TRPC4AP: variants seen among roughly 807,000 people sequenced by gnomAD.
TRPC4AP encodes the protein transient receptor potential cation channel subfamily C member 4 associated protein.
In TRPC4AP, 45 loss-of-function variants were observed where a neutral mutation model predicts 99.0. That is an observed-to-expected ratio of 0.45 (90% CI 0.36 to 0.58). The LOEUF (loss-of-function observed/expected upper bound fraction) is 0.58. TRPC4AP is among the 20% of genes least tolerant of loss of function. The probability of loss-of-function intolerance (pLI) is 0.00; values close to 1 mark genes in which losing one functional copy is unlikely to be tolerated. For missense variants in TRPC4AP, 879 were observed against 985.3 expected (o/e 0.89, Z 1.44); for synonymous variants, 408 against 385.8 (o/e 1.06, Z -0.67).
rs1489073945 is a variant in TRPC4AP at position 35,037,552 on chromosome 20, AT to A, written c.866-2245del. On this transcript the variant is annotated intron_variant, in intron 7 of 18. Transcript: ENST00000252015. ...ACTGAAGGGATAAACAAACTGTGGT[AT>A]CTACATGATGAGTATTATTCAGCCA... Among the ~76,000 whole-genome samples, 7 of 152,328 alleles carry A rather than the reference AT, an allele frequency of 4.6e-5. No homozygotes were observed. In the East Asian group the frequency reaches 1.3e-3, roughly 29 times the overall value.
At chr20:35,025,358 AT>A (rs904366545) in intron 8 of TRPC4AP, among the ~76,000 whole-genome samples, 9 of 151,458 alleles carry the variant, frequency 5.9e-5, no homozygotes, top group African/African-American at 1.9e-4. Flanking sequence ...CCGAAACAAA[AT>A]TTTTTTTTGT....
chr20:35,004,350 T>C (rs1397806743), intron 17 of TRPC4AP, 108 bp downstream of exon 17: 3 of 904,546 alleles, frequency 3.3e-6, no homozygotes, highest in Non-Finnish European at 5.3e-6. Context: ...GAGCTGGGTC[T>C]CCAGAGACGC....
intron 16 of TRPC4AP, among the ~76,000 whole-genome samples, chr20:35,004,962 C>T (rs2082486652): frequency 6.6e-6 from 1 of 152,194 alleles, no homozygotes; most frequent in Non-Finnish European, 1.5e-5. Flanking sequence ...GGTCCTAGCG[C>T]AACTGGTTTT....
chr20:35,086,525 A>ATGTGTGTGTGTG (rs1176461079), intron 1 of TRPC4AP, among the ~76,000 whole-genome samples: 2 of 69,190 alleles, frequency 2.9e-5, no homozygotes, highest in Non-Finnish European at 5.7e-5. Context: ...GTGTGTATAT[A>ATGTGTGTGTGTG]TGTGTGTGTG....
chr20:35,075,716 G>A (rs1447235520), intron 2 of TRPC4AP, among the ~76,000 whole-genome samples: 1 of 152,112 alleles, frequency 6.6e-6, no homozygotes, highest in African/African-American at 2.4e-5. Flanking sequence ...CAACTTTGGT[G>A]AATCTGACAA....
intron 3 of TRPC4AP, among the ~76,000 whole-genome samples, chr20:35,063,594 C>G (rs995602572): frequency 6.6e-6 from 1 of 152,104 alleles, no homozygotes; most frequent in Admixed American, 6.5e-5. Context: ...CAGGGTGGCT[C>G]GTGCCTATAA....
In TRPC4AP at chr20:35,021,295, G is replaced by C; in HGVS notation, c.1113C>G (p.Ala371=). 6.2e-7 allele frequency: 1 copy of C among 1,614,190 alleles called. No individual in the cohort carries two copies. The highest frequency in any genetic ancestry group is 8.5e-7 in the Non-Finnish European group (1 of 1,180,030). The change falls in exon 9 of 19, where the codon GCC becomes GCG. Residue 371 remains alanine, a synonymous_variant. Transcript: ENST00000252015. The part of the protein sequence containing the change: ...SEENGLPHTS[A]RTQLPQSMKI... ...TCATTGACTGGGGCAGCTGGGTTCT[G>C]GCTGACGTGTGAGGCAGGCCATTCT...
At chr20:35,085,370 G>C (rs1481319901) in intron 1 of TRPC4AP, among the ~76,000 whole-genome samples, 3 of 152,130 alleles carry the variant, frequency 2.0e-5, no homozygotes, top group South Asian at 2.1e-4. Context: ...CCTAGCACTT[G>C]GGAGGCCAAG....
chr20:35,088,323 A>G (rs867387985), intron 1 of TRPC4AP, among the ~76,000 whole-genome samples: 1 of 152,348 alleles, frequency 6.6e-6, no homozygotes, highest in South Asian at 2.1e-4. Context: ...TAAATACCAG[A>G]GCTAGGTTTC....
chr20:35,031,356 G>C (rs1020516742), intron 8 of TRPC4AP, among the ~76,000 whole-genome samples: 7 of 149,420 alleles, frequency 4.7e-5, no homozygotes, highest in Non-Finnish European at 8.9e-5. Flanking sequence ...CTGAGTAGCT[G>C]GGATTACAGG....
intron 8 of TRPC4AP, among the ~76,000 whole-genome samples, chr20:35,031,838 A>G (rs762672056): frequency 5.9e-5 from 9 of 151,824 alleles, no homozygotes; most frequent in Admixed American, 3.9e-4. Context: ...CTGCCAGTTC[A>G]TATCTACTGC....
intron 12 of TRPC4AP, 37 bp from the exon 13 acceptor site, chr20:35,008,784 A>T: frequency 6.3e-7 from 1 of 1,587,120 alleles, no homozygotes; most frequent in Non-Finnish European, 8.6e-7. Flanking sequence ...CAGATCTGAG[A>T]GGCTGACAGG....
At chr20:35,049,611 C>T (rs1417421724) in intron 6 of TRPC4AP, among the ~76,000 whole-genome samples, 1 of 152,128 alleles carries the variant, frequency 6.6e-6, no homozygotes, top group African/African-American at 2.4e-5. Flanking sequence ...TGAGGCATCA[C>T]CCTACATTCA....
At chr20:35,063,542 T>C (rs568481680) in intron 3 of TRPC4AP, among the ~76,000 whole-genome samples, 1 of 152,248 alleles carries the variant, frequency 6.6e-6, no homozygotes, top group East Asian at 1.9e-4. Flanking sequence ...GAATTAACTT[T>C]ATGTAAATTA....
intron 1 of TRPC4AP, among the ~76,000 whole-genome samples, chr20:35,080,199 C>A (rs2084596713): frequency 6.6e-6 from 1 of 151,818 alleles, no homozygotes; most frequent in Non-Finnish European, 1.5e-5. Context: ...ATCAAAGAAG[C>A]CAGTGTCTAA....
At chr20:35,003,306 G>C in intron 18 of TRPC4AP, 23 bp from the exon 19 acceptor site, 1 of 1,613,844 alleles carries the variant, frequency 6.2e-7, no homozygotes, top group Non-Finnish European at 8.5e-7. Context: ...GGAGGGGCTG[G>C]GGGGCGCCTG....
chr20:35,022,174 T>C (rs2082905965), intron 8 of TRPC4AP, among the ~76,000 whole-genome samples: 1 of 152,180 alleles, frequency 6.6e-6, no homozygotes, highest in African/African-American at 2.4e-5. Context: ...TCTTTACTTA[T>C]TTACAGAGTC....
intron 9 of TRPC4AP, among the ~76,000 whole-genome samples, chr20:35,019,208 G>A (rs1166406292): frequency 6.6e-6 from 1 of 152,174 alleles, no homozygotes; most frequent in African/African-American, 2.4e-5. Context: ...GATCCTCACG[G>A]TGCCCGGCAC....
chr20:35,025,142 T>A (rs2082997064), intron 8 of TRPC4AP, among the ~76,000 whole-genome samples: 2 of 152,192 alleles, frequency 1.3e-5, no homozygotes, highest in African/African-American at 4.8e-5. Flanking sequence ...ACCCTTATTA[T>A]CCACCTTTTT....
Sources: gnomAD v4.1 joint callset for allele counts (sites outside exome capture counted in the v4.1 genomes callset) on GRCh38, gnomAD v4.1.1 for gene constraint, MANE v1.5 for transcripts, NCBI Gene and HGNC (gene_info 2026-07-23, HGNC 2026-07-21) for gene names.